The following PRDM5 variants were observed in gnomAD, a reference collection of about 807,000 sequenced individuals.
PRDM5 encodes the protein PR/SET domain 5, also known as PR domain zinc finger protein 5.
A neutral mutation model predicts 81.2 loss-of-function variants in PRDM5; 56 were observed. The observed-to-expected ratio is 0.69, with a 90% CI of 0.56 to 0.86. The LOEUF is 0.86. Ranked by LOEUF, PRDM5 falls within the 40% of genes least tolerant of loss-of-function variation. The probability of loss-of-function intolerance (pLI) is 0.00; values close to 1 mark genes in which losing one functional copy is unlikely to be tolerated. For missense variants in PRDM5, 697 were observed against 770.1 expected (o/e 0.91, Z 1.12); for synonymous variants, 267 against 256.4 (o/e 1.04, Z -0.39).
intron 4 of PRDM5, among the ~76,000 whole-genome samples, chr4:120,819,007 C>T (rs1754915081): frequency 6.6e-6 from 1 of 152,124 alleles, no homozygotes; most frequent in African/African-American, 2.4e-5. Context: ...CTACACGGTC[C>T]CATATAGACT....
intron 2 of PRDM5, among the ~76,000 whole-genome samples, chr4:120,880,994 G>A (rs1762789618): frequency 6.6e-6 from 1 of 152,042 alleles, no homozygotes; most frequent in African/African-American, 2.4e-5. Context: ...TCATCAAATT[G>A]TTCTCCTGGT....
chr4:120,723,884 G>A (rs1457228475), intron 14 of PRDM5, among the ~76,000 whole-genome samples: 4 of 143,506 alleles, frequency 2.8e-5, no homozygotes, highest in African/African-American at 1.0e-4. Context: ...AATTGCTAAT[G>A]AAAATCAAAG....
intron 2 of PRDM5, among the ~76,000 whole-genome samples, chr4:120,899,766 A>G (rs1765039518): frequency 2.6e-5 from 4 of 152,204 alleles, no homozygotes; most frequent in Non-Finnish European, 5.9e-5. Context: ...CCACAGGTTG[A>G]AGGCTCAGTC....
chr4:120,700,593 T>C (rs1478582771), intron 15 of PRDM5, among the ~76,000 whole-genome samples: 3 of 152,134 alleles, frequency 2.0e-5, no homozygotes, highest in African/African-American at 7.2e-5. Flanking sequence ...AATTAAACAA[T>C]TGAATAAGCA....
At chr4:120,810,619 A>T (rs1218681613) in intron 8 of PRDM5, 1 of 152,164 alleles carries the variant, frequency 6.6e-6, no homozygotes, top group Non-Finnish European at 1.5e-5. Flanking sequence ...AAAAAAAAAA[A>T]GTAGTTTCAT....
intron 8 of PRDM5, among the ~76,000 whole-genome samples, chr4:120,806,238 A>G (rs56998648): frequency 0.12 from 17,660 of 152,274 alleles, 2,421 homozygotes; most frequent in African/African-American, 0.33. Context: ...GCTCACGGAT[A>G]GGAAGAATCA....
At chr4:120,793,525 T>A (rs779359980) in intron 10 of PRDM5, among the ~76,000 whole-genome samples, 1 of 152,194 alleles carries the variant, frequency 6.6e-6, no homozygotes, top group African/African-American at 2.4e-5. Context: ...ATGAAACTGG[T>A]CCCTGGCATC....
At chr4:120,834,766 A>C (rs1414887418) in intron 3 of PRDM5, among the ~76,000 whole-genome samples, 1 of 152,184 alleles carries the variant, frequency 6.6e-6, no homozygotes, top group Non-Finnish European at 1.5e-5. Context: ...TCAATAAAAC[A>C]AAAAGGCTGA....
downstream of PRDM5, among the ~76,000 whole-genome samples, chr4:120,689,900 C>T (rs1733972379): frequency 6.6e-6 from 1 of 152,088 alleles, no homozygotes. Flanking sequence ...CAGGCATGAG[C>T]CACCGTGTCC....
At chr4:120,887,134 C>T (rs1257495879) in intron 2 of PRDM5, among the ~76,000 whole-genome samples, 1 of 151,952 alleles carries the variant, frequency 6.6e-6, no homozygotes, top group African/African-American at 2.4e-5. Flanking sequence ...TTAGTGGAGA[C>T]GGGGTTTCAC....
chr4:120,822,844 A>G (rs922386042), intron 3 of PRDM5, among the ~76,000 whole-genome samples: 1 of 152,230 alleles, frequency 6.6e-6, no homozygotes, highest in Non-Finnish European at 1.5e-5. Context: ...TGCTACACTT[A>G]ATGTATAGAC....
intron 12 of PRDM5, among the ~76,000 whole-genome samples, chr4:120,779,559 C>T (rs953919257): frequency 2.0e-5 from 3 of 152,064 alleles, no homozygotes; most frequent in Non-Finnish European, 2.9e-5. Context: ...AATACAGGAA[C>T]CCATATGCCC....
chr4:120,760,709 G>T (rs975330742), intron 13 of PRDM5, among the ~76,000 whole-genome samples: 2 of 151,460 alleles, frequency 1.3e-5, no homozygotes, highest in Admixed American at 1.3e-4. Context: ...CCACAAAGTG[G>T]ATACTCCATG....
At chr4:120,875,111 G>A (rs142444390) in intron 2 of PRDM5, among the ~76,000 whole-genome samples, 9 of 152,224 alleles carry the variant, frequency 5.9e-5, no homozygotes, top group African/African-American at 1.2e-4. Flanking sequence ...CCTCCCTGAT[G>A]AACTGGCTAG....
intron 15 of PRDM5, among the ~76,000 whole-genome samples, chr4:120,705,856 G>A (rs989618256): frequency 3.3e-5 from 5 of 152,162 alleles, no homozygotes; most frequent in Admixed American, 3.3e-4. Context: ...TAAAGCTGTG[G>A]AGTTATGAGA....
chr4:120,743,925 C>T lies in PRDM5; in HGVS notation c.1623+10628G>A, dbSNP rs921896901. ...GAATTGAACTCAGCTCTGCACCAAG[C>T]GGACCTAACAGACATCTACAGAACT... On this transcript the variant is annotated intron_variant, in intron 14 of 15. Transcript: ENST00000264808. Among the ~76,000 whole-genome samples, 81 of 151,852 alleles carry T rather than the reference C, an allele frequency of 5.3e-4. No homozygotes were observed. In the East Asian group the frequency reaches 0.012, roughly 23 times the overall value.
At chr4:120,858,716 G>A (rs72680443) in intron 2 of PRDM5, among the ~76,000 whole-genome samples, 3 of 152,242 alleles carry the variant, frequency 2.0e-5, no homozygotes, top group Non-Finnish European at 4.4e-5. Context: ...CCCTGGGAAA[G>A]CAGATGGAGA....
chr4:120,771,998 G>A (rs771133414), intron 13 of PRDM5, among the ~76,000 whole-genome samples: 1 of 152,150 alleles, frequency 6.6e-6, no homozygotes, highest in African/African-American at 2.4e-5. Context: ...ATGGGACTTA[G>A]AGACATGAAG....
At chr4:120,746,276 A>T (rs1447351052) in intron 14 of PRDM5, among the ~76,000 whole-genome samples, 1 of 143,936 alleles carries the variant, frequency 6.9e-6, no homozygotes, top group Admixed American at 7.1e-5. Flanking sequence ...TTATACAAAA[A>T]TTAATTCCAG....
Sources: allele counts gnomAD v4.1 joint callset (sites outside exome capture counted in the v4.1 genomes callset), GRCh38; gene constraint gnomAD v4.1.1; transcripts MANE v1.5; gene names NCBI Gene and HGNC (gene_info 2026-07-23, HGNC 2026-07-21).